KIF13A: variants seen among roughly 807,000 people sequenced by gnomAD.
The protein encoded by KIF13A is kinesin-like protein KIF13A.
Under a neutral mutation model 212.2 loss-of-function variants are expected in KIF13A, and 79 were observed. The ratio of observed to expected loss-of-function variants is 0.37; its 90% CI spans 0.31 to 0.45. The LOEUF (loss-of-function observed/expected upper bound fraction) is 0.45. KIF13A is among the 20% of genes least tolerant of loss of function. The pLI is 1.00. For missense variants in KIF13A, 1,901 were observed against 2,209.0 expected, an observed-to-expected ratio of 0.86 and a Z score of 2.79; for synonymous variants, 789 against 808.6, an observed-to-expected ratio of 0.98 and a Z score of 0.41.
intron 3 of KIF13A, 71 bp from the exon 4 acceptor site, chr6:17,873,508 A>G: frequency 9.2e-7 from 1 of 1,086,100 alleles, no homozygotes; most frequent in Non-Finnish European, 1.4e-6. Flanking sequence ...ACTAAAATAA[A>G]TCACAGGTGA....
In KIF13A at chr6:17,825,862, A is replaced by T; in HGVS notation, c.1692T>A (p.His564Gln). Residue 564 changes from histidine (H) to glutamine (Q), a missense_variant, in exon 16 of 39, where the codon CAT (histidine) becomes CAA (glutamine). This residue lies in a region of KIF13A where 534 missense variants were observed against 536.9 expected (regional missense o/e 0.99). Transcript: ENST00000259711. The surrounding 1 kb of genome is among the most constrained non-coding windows in gnomAD (Gnocchi z 4.5). ...AAGCCTCACTGGCTGCATCCAGGTC[A>T]TGCTCTGGCGGGCCCGTTTCTTTTT... The part of the protein sequence containing the change: ...DFEKETGPPE[H>Q]DLDAASEASS... 1 of 1,614,024 alleles carries T rather than the reference A, an allele frequency of 6.2e-7. No homozygotes were observed. Among genetic ancestry groups the T allele is most frequent in the Non-Finnish European group, 8.5e-7 (1 of 1,179,864 alleles).
chr6:17,785,510 CT>C lies in KIF13A; in HGVS notation c.3488+4del. On this transcript the variant is annotated splice_donor_region_variant and intron_variant, in intron 28 of 38. Coordinates refer to ENST00000259711, the MANE Select transcript of KIF13A (RefSeq NM_022113.6). This position sits in a 1 kb window ranked among gnomAD's most constrained non-coding sequence, Gnocchi z 5.8. The stretch of plus-strand genomic sequence containing the variant: ...AGGTCTGCACAGAAGGGAGGGCAGC[CT>C]TACCAGTCGGCAGGTGCCCCAGGAA... The C allele has an allele frequency of 6.4e-7, 1 of 1,562,422 alleles. No individual in the cohort carries two copies. The highest frequency in any genetic ancestry group is 8.6e-7 in the Non-Finnish European group (1 of 1,156,774).
At chr6:17,955,634 T>C (rs1296567245) in intron 2 of KIF13A, among the ~76,000 whole-genome samples, 1 of 152,242 alleles carries the variant, frequency 6.6e-6, no homozygotes. Flanking sequence ...GCAGTGCAAC[T>C]AATCTTAATG....
In KIF13A at chr6:17,947,487, A is replaced by C; in HGVS notation, c.146+39567T>G. 6.6e-6 allele frequency among the ~76,000 whole-genome samples: 1 copy of C among 152,214 alleles called. No homozygotes were observed. The highest frequency in any genetic ancestry group is 1.9e-4 in the East Asian group (1 of 5,198). ...GCTTCCTTCTTAACTTCAAAAGTTC[A>C]AAACTTCGTTGCCTGTTAAATTTCC... is the stretch of plus-strand genomic sequence containing the variant. On this transcript the variant is annotated intron_variant, in intron 2 of 38. Coordinates refer to ENST00000259711, the MANE Select transcript of KIF13A (RefSeq NM_022113.6). This position sits in a 1 kb window ranked among gnomAD's most constrained non-coding sequence, Gnocchi z 4.6.
intron 12 of KIF13A, among the ~76,000 whole-genome samples, 178 bp from the exon 13 acceptor site, chr6:17,831,413 A>T (rs894997855): frequency 6.6e-6 from 1 of 152,048 alleles, no homozygotes; most frequent in African/African-American, 2.4e-5. Context: ...GGCAGGCGTG[A>T]TAGGGGCACC....
intron 2 of KIF13A, among the ~76,000 whole-genome samples, chr6:17,935,427 C>T (rs1776370951): frequency 6.6e-6 from 1 of 152,058 alleles, no homozygotes; most frequent in African/African-American, 2.4e-5. Flanking sequence ...TGGCTCAGTT[C>T]AGAGAAAAAC....
intron 29 of KIF13A, 111 bp from the exon 30 acceptor site, chr6:17,781,412 T>C: frequency 7.2e-6 from 8 of 1,116,208 alleles, no homozygotes; most frequent in Non-Finnish European, 9.9e-6. Context: ...ATAACACATT[T>C]TTCTTTTTTC....
rs1232330765 is a variant in KIF13A at position 17,805,620 on chromosome 6, A to T, written c.2164-5T>A. ...TTCACTCACTATTGCACCTCTCTGCATAAGGAAGAAAAACAAAACAAACCC... is the reference window on the plus strand; with the variant it reads ...TTCACTCACTATTGCACCTCTCTGCTTAAGGAAGAAAAACAAAACAAACCC... On this transcript the variant is annotated splice_polypyrimidine_tract_variant and splice_region_variant and intron_variant, in intron 18 of 38. Coordinates refer to ENST00000259711, the MANE Select transcript of KIF13A (RefSeq NM_022113.6). 1 of 1,592,446 alleles carries T rather than the reference A, an allele frequency of 6.3e-7. No individual in the cohort carries two copies. Among genetic ancestry groups the T allele is most frequent in the Admixed American group, 1.8e-5 (1 of 55,028 alleles).
chr6:17,880,782 G>T (rs764248500), intron 3 of KIF13A, among the ~76,000 whole-genome samples: 71 of 152,086 alleles, frequency 4.7e-4, no homozygotes, highest in Non-Finnish European at 9.3e-4. Context: ...CACCATACTT[G>T]TCTAATTTTG....
rs1173049756 is a variant in KIF13A, at chr6:17,895,451, AT to A, written c.159+2716del. ...TGCATTCTGGTATCACTTTGTTCCA[AT>A]TTTTGTGCTTGAGATTTCCTGGATC... On this transcript the variant is annotated intron_variant, in intron 3 of 38. Transcript: ENST00000259711. This position sits in a 1 kb window ranked among gnomAD's most constrained non-coding sequence, Gnocchi z 4.4. 6.6e-6 allele frequency among the ~76,000 whole-genome samples: 1 copy of A among 152,140 alleles called. No individual in the cohort carries two copies. The highest frequency in any genetic ancestry group is 1.5e-5 in the Non-Finnish European group (1 of 68,024).
At chr6:17,836,565 C>G (rs1323212283) in intron 11 of KIF13A, among the ~76,000 whole-genome samples, 2 of 152,160 alleles carry the variant, frequency 1.3e-5, no homozygotes, top group African/African-American at 4.8e-5. Context: ...TCAGTTCTCA[C>G]ATTGCTATAA....
intron 2 of KIF13A, among the ~76,000 whole-genome samples, chr6:17,983,826 A>T (rs1342651419): frequency 6.6e-6 from 1 of 151,952 alleles, no homozygotes; most frequent in Non-Finnish European, 1.5e-5. Context: ...CCACCCCCTC[A>T]CCTCACACAC....
In KIF13A at chr6:17,856,614, G is replaced by T. The variant is rs1259154060; in HGVS notation, c.221-492C>A. Among the ~76,000 whole-genome samples, 4 of 152,154 alleles carry T rather than the reference G, an allele frequency of 2.6e-5. No homozygotes were observed. The highest frequency in any genetic ancestry group is 2.0e-4 in the Admixed American group (3 of 15,274). ...GGATTGACAACTTCAGCTGCTGTTTGTAGATTCACAGGCACCCGTCACCTG... is the reference window on the plus strand; with the variant it reads ...GGATTGACAACTTCAGCTGCTGTTTTTAGATTCACAGGCACCCGTCACCTG... On this transcript the variant is annotated intron_variant, in intron 4 of 38. Coordinates refer to ENST00000259711, the MANE Select transcript of KIF13A (RefSeq NM_022113.6). The surrounding 1 kb of genome is among the most constrained non-coding windows in gnomAD (Gnocchi z 4.5).
At position 17,850,481 on chromosome 6, in the gene KIF13A, G is replaced by C; in HGVS notation, c.583-24C>G. On this transcript the variant is annotated intron_variant, in intron 7 of 38. Coordinates refer to ENST00000259711, the MANE Select transcript of KIF13A (RefSeq NM_022113.6). The surrounding 1 kb of genome is among the most constrained non-coding windows in gnomAD (Gnocchi z 6.2). Reference sequence around the variant, plus strand: ...TCCTAGGGGCAAAGCATAAGGAAAAGACCATAAGCAAAAACACAAGAATGT... The same window carrying C: ...TCCTAGGGGCAAAGCATAAGGAAAACACCATAAGCAAAAACACAAGAATGT... 2 of 1,597,166 alleles carry C rather than the reference G, an allele frequency of 1.3e-6. No homozygotes were observed. The highest frequency in any genetic ancestry group is 2.3e-5 in the South Asian group (2 of 88,664).
intron 32 of KIF13A, 24 bp from the exon 33 acceptor site, chr6:17,779,123 C>T: frequency 1.2e-6 from 2 of 1,609,580 alleles, no homozygotes; most frequent in Non-Finnish European, 1.7e-6. Context: ...AAGGAAGTGA[C>T]AATACTTTGA....
intron 2 of KIF13A, among the ~76,000 whole-genome samples, chr6:17,938,848 C>T (rs1454430125): frequency 1.4e-5 from 2 of 143,576 alleles, no homozygotes; most frequent in East Asian, 4.0e-4. Context: ...TACCCAGCAA[C>T]GAAAAAGTTG....
At chr6:17,815,651 A>G (rs1763862460) in intron 17 of KIF13A, 1 of 425,988 alleles carries the variant, frequency 2.3e-6, no homozygotes. Context: ...TAGAACAAAG[A>G]TTATTATAAT....
intron 2 of KIF13A, among the ~76,000 whole-genome samples, chr6:17,948,445 C>T (rs1477033072): frequency 6.6e-6 from 1 of 152,142 alleles, no homozygotes; most frequent in Non-Finnish European, 1.5e-5. Flanking sequence ...GAAGTTAACT[C>T]ACTCTCTTAA....
chr6:17,933,761 G>T (rs1776211914), intron 2 of KIF13A, among the ~76,000 whole-genome samples: 2 of 152,110 alleles, frequency 1.3e-5, no homozygotes, highest in African/African-American at 4.8e-5. Flanking sequence ...AAGCAATAGT[G>T]TGTTTCTGTG....
Sources: gnomAD v4.1 joint callset for allele counts (sites outside exome capture counted in the v4.1 genomes callset) on GRCh38, gnomAD v4.1.1 for gene constraint, gnomAD v4.1.1 regional missense constraint, Gnocchi (gnomAD v3.1) non-coding constraint, MANE v1.5 for transcripts, NCBI Gene and HGNC (gene_info 2026-07-23, HGNC 2026-07-21) for gene names.